Variants in STARD13 observed in about 807,000 individuals in gnomAD.
STARD13 encodes stAR-related lipid transfer protein 13.
STARD13 carries 62 observed loss-of-function variants against 106.4 expected under a neutral mutation model. That is an observed-to-expected ratio of 0.58 (90% CI 0.48 to 0.72). The LOEUF (loss-of-function observed/expected upper bound fraction) is 0.72. STARD13 is among the 30% of genes least tolerant of loss of function. The pLI is 0.00. For missense variants in STARD13, 1,387 were observed against 1,424.0 expected, an observed-to-expected ratio of 0.97 and a Z score of 0.42; for synonymous variants, 565 against 553.0, an observed-to-expected ratio of 1.02 and a Z score of -0.31.
At chr13:33,494,725 CTT>C in the STARD13 span, among the ~76,000 whole-genome samples, 1 of 146,728 alleles carries the variant, frequency 6.8e-6, no homozygotes, top group African/African-American at 2.5e-5. Flanking sequence ...AAAAGCAGTA[CTT>C]TTTTTTTTTA....
chr13:33,599,262 ATTATAC>A, the STARD13 span, among the ~76,000 whole-genome samples: 2 of 152,186 alleles, frequency 1.3e-5, no homozygotes, highest in Admixed American at 6.5e-5. Context: ...CTTTGCACTA[ATTATAC>A]TTATAACACT....
downstream of STARD13, among the ~76,000 whole-genome samples, chr13:33,346,984 C>T (rs111760859): frequency 3.7e-3 from 567 of 152,238 alleles, 1 homozygote; most frequent in South Asian, 0.02. Flanking sequence ...GTTCCATTGA[C>T]TAAGTATAGT....
chr13:33,300,878 T>G (rs532986812), intron 1 of STARD13, among the ~76,000 whole-genome samples: 32 of 152,314 alleles, frequency 2.1e-4, no homozygotes, highest in Non-Finnish European at 4.1e-4. Context: ...CTAGGGACAC[T>G]GGCATTTCCC....
chr13:33,190,000 C>T (rs1886124380), intron 1 of STARD13, among the ~76,000 whole-genome samples: 1 of 151,830 alleles, frequency 6.6e-6, no homozygotes, highest in East Asian at 1.9e-4. Context: ...CCTTTTGGGA[C>T]AAAACAACTT....
At chr13:33,536,119 A>T in the STARD13 span, among the ~76,000 whole-genome samples, 5 of 152,222 alleles carry the variant, frequency 3.3e-5, no homozygotes, top group East Asian at 9.6e-4. Context: ...AGGATTGTCA[A>T]TCCTCAGTGA....
chr13:33,127,952 G>C (rs1028298861), intron 5 of STARD13, among the ~76,000 whole-genome samples: 1 of 151,808 alleles, frequency 6.6e-6, no homozygotes, highest in Non-Finnish European at 1.5e-5. Context: ...CGGAGACAGG[G>C]AGATATAGAC....
the STARD13 span, among the ~76,000 whole-genome samples, chr13:33,545,140 A>G: frequency 6.6e-6 from 1 of 151,914 alleles, no homozygotes; most frequent in Non-Finnish European, 1.5e-5. Flanking sequence ...TATTTTCCTT[A>G]GTAGAGATCA....
intron 1 of STARD13, among the ~76,000 whole-genome samples, chr13:33,184,798 AT>A (rs1252923223): frequency 2.0e-5 from 3 of 152,272 alleles, no homozygotes; most frequent in Non-Finnish European, 4.4e-5. Context: ...GCACTTAAAA[AT>A]TGGAGCTATT....
At chr13:33,370,290 C>T in the STARD13 span, among the ~76,000 whole-genome samples, 1 of 152,158 alleles carries the variant, frequency 6.6e-6, no homozygotes, top group Non-Finnish European at 1.5e-5. Context: ...ATTTGATCCT[C>T]CCAGAATCAA....
At chr13:33,508,782 G>A in the STARD13 span, among the ~76,000 whole-genome samples, 6 of 152,170 alleles carry the variant, frequency 3.9e-5, no homozygotes, top group Non-Finnish European at 5.9e-5. Flanking sequence ...AACAAATTCC[G>A]AGTAATGCAT....
chr13:33,605,307 TCC>T, the STARD13 span, among the ~76,000 whole-genome samples: 1 of 150,628 alleles, frequency 6.6e-6, no homozygotes, highest in Non-Finnish European at 1.5e-5. Flanking sequence ...GCTCTCAAAC[TCC>T]CGGGCTCAAG....
chr13:33,201,123 T>C (rs1887009424), intron 1 of STARD13, among the ~76,000 whole-genome samples: 1 of 152,092 alleles, frequency 6.6e-6, no homozygotes, highest in South Asian at 2.1e-4. Flanking sequence ...AGAAGCAATG[T>C]GCTTCTCTGC....
intron 1 of STARD13, among the ~76,000 whole-genome samples, chr13:33,237,841 C>T (rs1042198499): frequency 2.6e-5 from 4 of 152,150 alleles, no homozygotes; most frequent in African/African-American, 9.6e-5. Context: ...TCAAATGAAA[C>T]ATTTTACCTG....
chr13:33,219,825 AAG>A (rs202217026), intron 1 of STARD13, among the ~76,000 whole-genome samples: 3,661 of 132,134 alleles, frequency 0.028, 171 homozygotes, highest in African/African-American at 0.09. Context: ...AAAAAAAAAA[AAG>A]AAAGAAAGAA....
chr13:33,358,846 A>C, the STARD13 span, among the ~76,000 whole-genome samples: 1 of 152,020 alleles, frequency 6.6e-6, no homozygotes, highest in Non-Finnish European at 1.5e-5. Flanking sequence ...ACCAATCAGC[A>C]CCCTATGTTT....
chr13:33,352,505 T>C (rs1317994582), upstream of STARD13, among the ~76,000 whole-genome samples: 1 of 152,228 alleles, frequency 6.6e-6, no homozygotes, highest in Admixed American at 6.5e-5. Flanking sequence ...CTAGCACATA[T>C]TTTATATTCA....
At chr13:33,526,763 G>C in the STARD13 span, among the ~76,000 whole-genome samples, 16 of 152,118 alleles carry the variant, frequency 1.1e-4, no homozygotes, top group Admixed American at 9.8e-4. Context: ...ACTTTTAAAA[G>C]TGTGTGGCAC....
At chr13:33,349,178 G>C (rs916520965) in exon 2 of STARD13, 1 of 702,300 alleles carries the variant, frequency 1.4e-6, no homozygotes, top group Non-Finnish European at 2.6e-6. Context: ...ACTTTCTTCT[G>C]CCCCATGTGG....
At chr13:33,124,976 A>T (rs983529022) in intron 7 of STARD13, among the ~76,000 whole-genome samples, 3 of 152,250 alleles carry the variant, frequency 2.0e-5, no homozygotes, top group African/African-American at 4.8e-5. Flanking sequence ...TTATGTGCAG[A>T]TTCTCTAAAT....
Sources: allele counts gnomAD v4.1 joint callset (sites outside exome capture counted in the v4.1 genomes callset), GRCh38; gene constraint gnomAD v4.1.1; transcripts MANE v1.5; gene names NCBI Gene and HGNC (gene_info 2026-07-23, HGNC 2026-07-21).